CNKSR1: variants seen among roughly 807,000 people sequenced by gnomAD.
CNKSR1 encodes connector enhancer of kinase suppressor of Ras 1.
In CNKSR1, 88 loss-of-function variants were observed where a neutral mutation model predicts 95.6. That is an observed-to-expected ratio of 0.92 (90% confidence interval 0.78 to 1.10). CNKSR1 has a LOEUF of 1.10. Among genes scored for constraint, CNKSR1 ranks in the 50% least tolerant of loss-of-function variants. The pLI, the probability that CNKSR1 is intolerant of heterozygous loss-of-function variation, is 0.00. For missense variants in CNKSR1, 836 were observed against 912.0 expected (o/e 0.92, Z 1.07); for synonymous variants, 355 against 369.7 (o/e 0.96, Z 0.46).
chr1:26,189,246 A>G, intron 20 of CNKSR1, 33 bp from the exon 21 acceptor site: 1 of 1,612,982 alleles, frequency 6.2e-7, no homozygotes, highest in Non-Finnish European at 8.5e-7. Context: ...TCCCTGGGTG[A>G]TCATGGTCCC....
At chr1:26,187,280 A>G in intron 15 of CNKSR1, 39 bp downstream of exon 15, 1 of 1,597,552 alleles carries the variant, frequency 6.3e-7, no homozygotes, top group Non-Finnish European at 8.6e-7. Context: ...GGATGGAGAC[A>G]GAAAGGGAGA....
chr1:26,180,676 C>T lies in CNKSR1; in HGVS notation c.211-39C>T, dbSNP rs187223074. 74 of 1,613,980 alleles carry T rather than the reference C, an allele frequency of 4.6e-5. No homozygotes were observed. The African/African-American group carries it at 7.6e-4, about 17-fold the overall frequency. On this transcript the variant is annotated intron_variant, in intron 2 of 20. Coordinates refer to ENST00000361530, the MANE Select transcript of CNKSR1 (RefSeq NM_006314.3). ...CCTGGGGGGTGTGATGGGGGGCTGGCTGCTGCCAGGGAGGTGACTTGCCCT... is the reference window on the plus strand; with the variant it reads ...CCTGGGGGGTGTGATGGGGGGCTGGTTGCTGCCAGGGAGGTGACTTGCCCT...
Position 26,181,705 on chromosome 1 carries a change from C to T in CNKSR1, c.393-152C>T, listed in dbSNP as rs1000583714. On this transcript the variant is annotated intron_variant, in intron 3 of 20. Transcript: ENST00000361530. ...TGACAAATAAGTCCTGTGCTAATCT[C>T]TTTAGATGTCTCAATCATCTCCTTT... 1.5e-5 allele frequency: 11 copies of T among 721,136 alleles called. No individual in the cohort carries two copies. In the Admixed American group the frequency reaches 2.0e-4, roughly 13 times the overall value. 44.7% of individuals were successfully genotyped at this position (721,136 alleles called of 1,614,324 possible).
Position 26,183,836 on chromosome 1 carries a change from T to C in CNKSR1, c.855+6T>C. On this transcript the variant is annotated splice_donor_region_variant and intron_variant, in intron 9 of 20. Coordinates refer to ENST00000361530, the MANE Select transcript of CNKSR1 (RefSeq NM_006314.3). The stretch of plus-strand genomic sequence containing the variant: ...TACCGGAGACCCCCCCACAGGTACC[T>C]TCCCCTGCCGCCCCCCGACCTGCCT... 2 of 1,056,330 alleles carry C rather than the reference T, an allele frequency of 1.9e-6. No individual in the cohort carries two copies. Among genetic ancestry groups the C allele is most frequent in the Non-Finnish European group, 2.6e-6 (2 of 770,554 alleles). The allele number at this position is 1,056,330 out of a possible 1,614,324, so 65.4% of individuals were successfully genotyped here. A position where few individuals can be genotyped will look rare whatever the true frequency, so the allele number is the denominator to read the frequency against.
chr1:26,180,059 C>T, intron 1 of CNKSR1: 2 of 296,926 alleles, frequency 6.7e-6, no homozygotes, highest in Non-Finnish European at 1.3e-5. Context: ...TGGATTGAGC[C>T]TAGGAGGTCA....
intron 8 of CNKSR1, 25 bp downstream of exon 8, chr1:26,183,439 G>A (rs1474921465): frequency 1.2e-6 from 2 of 1,611,978 alleles, no homozygotes; most frequent in Admixed American, 3.3e-5. Flanking sequence ...GGACATGGTA[G>A]GAGGTGAAGG....
At chr1:26,187,772 A>G (rs1334384488) in intron 16 of CNKSR1, among the ~76,000 whole-genome samples, 3 of 151,210 alleles carry the variant, frequency 2.0e-5, no homozygotes, top group African/African-American at 7.3e-5. Context: ...ACAGGTGCCT[A>G]CCACCATACC....
chr1:26,177,683 A>G, intron 1 of CNKSR1, 84 bp downstream of exon 1: 1 of 1,532,490 alleles, frequency 6.5e-7, no homozygotes, highest in Non-Finnish European at 8.9e-7. Context: ...GAAAAGGAAA[A>G]AAAATCTGCG....
chr1:26,180,188 G>T, intron 1 of CNKSR1: 1 of 539,192 alleles, frequency 1.9e-6, no homozygotes, highest in Non-Finnish European at 3.3e-6. Context: ...GCAGGTGTGG[G>T]GTGAGGCCTG....
chr1:26,179,624 C>T (rs1258693498), intron 1 of CNKSR1, among the ~76,000 whole-genome samples: 1 of 152,068 alleles, frequency 6.6e-6, no homozygotes, highest in African/African-American at 2.4e-5. Flanking sequence ...CAGACAGTGG[C>T]CAAGGCCTTG....
chr1:26,179,875 C>T (rs557626085), intron 1 of CNKSR1, among the ~76,000 whole-genome samples: 1 of 152,106 alleles, frequency 6.6e-6, no homozygotes, highest in South Asian at 2.1e-4. Context: ...GTGGCTCACA[C>T]CTGTAATTCT....
At position 26,188,288 on chromosome 1, in the gene CNKSR1, C is replaced by G. The variant is rs775236395; in HGVS notation, c.1509C>G (p.Ala503=). ...CISKYQSPGR[A]PPPREEDCYS... ...CCAAGTACCAGTCTCCAGGCCGGGC[C>G]CCCCCACCCCGAGAGGAAGGTAGGT... Residue 503 remains alanine (A), a synonymous_variant, in exon 17 of 21, where the codon GCC becomes GCG. Transcript: ENST00000361530. The G allele has an allele frequency of 1.1e-5, 18 of 1,614,048 alleles. No individual in the cohort carries two copies. Among genetic ancestry groups the G allele is most frequent in the East Asian group, 2.2e-5 (1 of 44,864 alleles).
rs1275918065 is a variant in CNKSR1, at chr1:26,189,553, G to A, written c.*5G>A. 1 of 1,404,008 alleles carries A rather than the reference G, an allele frequency of 7.1e-7. No individual in the cohort carries two copies. Among genetic ancestry groups the A allele is most frequent in the Non-Finnish European group, 1.0e-6 (1 of 988,288 alleles). 87.0% of individuals were successfully genotyped at this position (1,404,008 alleles called of 1,614,324 possible). On this transcript the variant is annotated 3_prime_UTR_variant, in exon 21 of 21. Coordinates refer to ENST00000361530, the MANE Select transcript of CNKSR1 (RefSeq NM_006314.3). Reference sequence around the variant, plus strand: ...CTCCGACCTCCTGACCTCTGACCCTGGCCAGCACTCTAGCTCCTGACCTTT... The same window carrying A: ...CTCCGACCTCCTGACCTCTGACCCTAGCCAGCACTCTAGCTCCTGACCTTT...
At position 26,189,787 on chromosome 1, in the gene CNKSR1, G is replaced by A. The variant is rs1196396807; in HGVS notation, c.*239G>A. The A allele has an allele frequency of 8.6e-6, 6 of 695,562 alleles. No individual in the cohort carries two copies. The Admixed American group carries it at 1.2e-4, about 14-fold the overall frequency. 43.1% of individuals were successfully genotyped at this position (695,562 alleles called of 1,614,324 possible). ...CTGGGGCCACAGCCCTGCCCCTCCA[G>A]TTCCTTGGCAGTTCTCCCCCAAACC... On this transcript the variant is annotated 3_prime_UTR_variant, in exon 21 of 21. Transcript: ENST00000361530.
intron 16 of CNKSR1, 71 bp downstream of exon 16, chr1:26,187,553 C>T (rs2088777663): frequency 2.0e-6 from 3 of 1,486,372 alleles, no homozygotes; most frequent in East Asian, 2.3e-5. Context: ...AGCCTAGGCT[C>T]AGGAGCCTGG....
At chr1:26,185,302 G>C in intron 14 of CNKSR1, 116 bp downstream of exon 14, 2 of 1,079,538 alleles carry the variant, frequency 1.9e-6, no homozygotes, top group Non-Finnish European at 2.8e-6. Context: ...GTCCCCATCT[G>C]TAAAATGGGG....
At chr1:26,186,839 A>T (rs1212581712) in intron 14 of CNKSR1, 1 of 331,160 alleles carries the variant, frequency 3.0e-6, no homozygotes, top group Non-Finnish European at 5.7e-6. Context: ...CTAGGCTCAA[A>T]TGGTCCTCCT....
At chr1:26,181,692 C>T (rs1357748683) in intron 3 of CNKSR1, 165 bp from the exon 4 acceptor site, 1 of 683,014 alleles carries the variant, frequency 1.5e-6, no homozygotes. Context: ...ACAAATAAGT[C>T]CTGTGCTAAT....
intron 1 of CNKSR1, among the ~76,000 whole-genome samples, chr1:26,177,970 GA>G (rs143042672): frequency 0.017 from 2,528 of 146,810 alleles, 59 homozygotes; most frequent in African/African-American, 0.059. Flanking sequence ...CAGCTCAAAA[GA>G]AAAAAAAAAA....
Sources: allele counts gnomAD v4.1 joint callset (sites outside exome capture counted in the v4.1 genomes callset), GRCh38; gene constraint gnomAD v4.1.1; transcripts MANE v1.5; gene names NCBI Gene and HGNC (gene_info 2026-07-23, HGNC 2026-07-21).